The following LPIN3 variants were observed in gnomAD, a reference collection of about 807,000 sequenced individuals.
LPIN3 encodes the protein phosphatidate phosphatase LPIN3.
In LPIN3, 82 loss-of-function variants were observed where a neutral mutation model predicts 94.7. That is an observed-to-expected ratio of 0.87 (90% CI 0.72 to 1.04). LPIN3 has a LOEUF of 1.04. LPIN3 is among the 50% of genes least tolerant of loss of function. LPIN3 has a pLI of 0.00. For synonymous variants in LPIN3, 418 were observed against 443.3 expected (o/e 0.94, Z 0.72); for missense variants, 996 against 1,090.5 (o/e 0.91, Z 1.22).
At position 41,341,016 on chromosome 20, in the gene LPIN3, CGGG is replaced by C. The variant is rs1246918399; in HGVS notation, c.-9+18_-9+20del. ...GCAGCTCCCCAGGTAGGGCCCAACT[CGGG>C]GGGAGAAGAGATGACCCTCTCCCCT... On this transcript the variant is annotated intron_variant, in intron 1 of 19. Coordinates refer to ENST00000373257, the MANE Select transcript of LPIN3 (RefSeq NM_022896.3). 1.3e-5 allele frequency: 2 copies of C among 152,308 alleles called. No homozygotes were observed. Among genetic ancestry groups the C allele is most frequent in the African/African-American group, 4.8e-5 (2 of 41,428 alleles). The allele number at this position is 152,308 out of a possible 1,614,324, so 9.4% of individuals were successfully genotyped here. A position where few individuals can be genotyped will look rare whatever the true frequency, so the allele number is the denominator to read the frequency against.
At chr20:41,351,676 G>A in intron 7 of LPIN3, 145 bp from the exon 8 acceptor site, 1 of 652,600 alleles carries the variant, frequency 1.5e-6, no homozygotes, top group Admixed American at 2.8e-5. Flanking sequence ...TAATATATCA[G>A]GCAGTGCAGA....
chr20:41,355,164 GCCA>G (rs2046168239), intron 13 of LPIN3, among the ~76,000 whole-genome samples: 1 of 152,046 alleles, frequency 6.6e-6, no homozygotes, highest in African/African-American at 2.4e-5. Flanking sequence ...ACAGGTGCCC[GCCA>G]CCACACCTGG....
At chr20:41,353,836 T>C (rs1218287649) in intron 11 of LPIN3, among the ~76,000 whole-genome samples, 4 of 152,194 alleles carry the variant, frequency 2.6e-5, no homozygotes, top group Non-Finnish European at 5.9e-5. Context: ...GGGTGACAGC[T>C]TTGTCCTCTG....
rs746575898 is a variant in LPIN3 at position 41,355,990 on chromosome 20, A to C, written c.1759A>C (p.Thr587Pro). Reference protein sequence around the residue: ...PSLPPSTPPSTPTYKKSLRLS... With the variant: ...PSLPPSTPPSPPTYKKSLRLS... ...CTTGCCACCCTCCACTCCACCCTCCACTCCTACCTACAAGAAGTCCCTCCG... is the reference window on the plus strand; with the variant it reads ...CTTGCCACCCTCCACTCCACCCTCCCCTCCTACCTACAAGAAGTCCCTCCG... The change falls in exon 14 of 20, where the codon ACT becomes CCT. Residue 587 changes from threonine to proline, a missense_variant. Coordinates refer to ENST00000373257, the MANE Select transcript of LPIN3 (RefSeq NM_022896.3). 11 of 1,613,520 alleles carry C rather than the reference A, an allele frequency of 6.8e-6. No individual in the cohort carries two copies. Among genetic ancestry groups the C allele is most frequent in the Non-Finnish European group, 8.5e-6 (10 of 1,179,818 alleles).
At chr20:41,352,507 G>A (rs1445695556) in intron 9 of LPIN3, 99 bp from the exon 10 acceptor site, 9 of 1,109,264 alleles carry the variant, frequency 8.1e-6, no homozygotes, top group Admixed American at 3.6e-5. Context: ...AAAGCCAACC[G>A]ACAGGAGGTG....
At position 41,359,052 on chromosome 20, in the gene LPIN3, G is replaced by A. The variant is rs2046315753; in HGVS notation, c.*186G>A. ...CCGTCATATTTTTGCCAGCTAAGCT[G>A]CAGCTGCTCCAGGCGTCAGTGTGGC... On this transcript the variant is annotated 3_prime_UTR_variant, in exon 20 of 20. Transcript: ENST00000373257. 1 of 647,776 alleles carries A rather than the reference G, an allele frequency of 1.5e-6. No individual in the cohort carries two copies. The highest frequency in any genetic ancestry group is 2.6e-6 in the Non-Finnish European group (1 of 386,818). The allele number at this position is 647,776 out of a possible 1,614,324, so 40.1% of individuals were successfully genotyped here. A position where few individuals can be genotyped will look rare whatever the true frequency, so the allele number is the denominator to read the frequency against.
chr20:41,342,680 T>G (rs545773169), intron 1 of LPIN3, among the ~76,000 whole-genome samples: 2 of 140,176 alleles, frequency 1.4e-5, no homozygotes, highest in East Asian at 4.4e-4. Flanking sequence ...GGGGGCTCAC[T>G]GGAAGCCCCC....
chr20:41,356,182 C>T lies in LPIN3; in HGVS notation c.1803+148C>T. On this transcript the variant is annotated intron_variant, in intron 14 of 19. Transcript: ENST00000373257. ...ATCCCCTTGGGAGCCTCCCTGATGG[C>T]CTCCACTTGAATACCTCCAAGGGCA... The T allele has an allele frequency of 2.6e-6, 3 of 1,154,862 alleles. No individual in the cohort carries two copies. The East Asian group carries it at 7.6e-5, about 29-fold the overall frequency. The allele number at this position is 1,154,862 out of a possible 1,614,324, so 71.5% of individuals were successfully genotyped here.
rs140814287 is a variant in LPIN3 at position 41,358,478 on chromosome 20, C to T, written c.2347C>T (p.Arg783Cys). ...CCGGCAGGTGGGCCTGCCTGAGTCA[C>T]GCATCTTCACAGTCAACCCCCGGGG... ...AYRQVGLPESRIFTVNPRGEL... is the reference protein window; with the variant it reads ...AYRQVGLPESCIFTVNPRGEL... The change falls in exon 19 of 20, where the codon CGC (arginine) becomes TGC (cysteine). Residue 783 changes from arginine (R) to cysteine (C), a missense_variant. Transcript: ENST00000373257. 246 of 1,614,110 alleles carry T rather than the reference C, an allele frequency of 1.5e-4. No individual in the cohort carries two copies. Among genetic ancestry groups the T allele is most frequent in the African/African-American group, 1.2e-3 (90 of 75,058 alleles).
At chr20:41,354,886 G>A (rs1211522955) in intron 13 of LPIN3, 23 bp downstream of exon 13, 8 of 1,550,466 alleles carry the variant, frequency 5.2e-6, no homozygotes, top group East Asian at 2.4e-5. Context: ...CCCTATTGGG[G>A]CTCTGCAGGG....
Position 41,354,641 on chromosome 20 carries a change from A to G in LPIN3, c.1528-4A>G, listed in dbSNP as rs200362635. The G allele has an allele frequency of 6.4e-7, 1 of 1,570,198 alleles. No individual in the cohort carries two copies. The highest frequency in any genetic ancestry group is 2.3e-5 in the East Asian group (1 of 44,428). On this transcript the variant is annotated splice_polypyrimidine_tract_variant and splice_region_variant and intron_variant, in intron 11 of 19. Transcript: ENST00000373257. ...ACACTGCCATGGCTTTCATCTGCCC[A>G]CAGAGCACCATGGACAAGCTGGAGA...
At chr20:41,352,510 AG>A in intron 9 of LPIN3, 95 bp from the exon 10 acceptor site, 2 of 1,122,460 alleles carry the variant, frequency 1.8e-6, no homozygotes, top group Non-Finnish European at 2.7e-6. Flanking sequence ...GCCAACCGAC[AG>A]GAGGTGAGCA....
rs747707921 is a variant in LPIN3, at chr20:41,357,028, G to C, written c.1804-12G>C. 8 of 1,607,834 alleles carry C rather than the reference G, an allele frequency of 5.0e-6. No individual in the cohort carries two copies. The Admixed American group carries it at 6.7e-5, about 13-fold the overall frequency. Reference sequence around the variant, plus strand: ...CATCAATCACGACACACCCCCCTTTGTCTGGCCTCAGCGGCGCCTGAACCT... The same window carrying C: ...CATCAATCACGACACACCCCCCTTTCTCTGGCCTCAGCGGCGCCTGAACCT... On this transcript the variant is annotated splice_polypyrimidine_tract_variant and intron_variant, in intron 14 of 19. Coordinates refer to ENST00000373257, the MANE Select transcript of LPIN3 (RefSeq NM_022896.3).
At chr20:41,357,832 G>C (rs1435978755) in intron 16 of LPIN3, 50 bp from the exon 17 acceptor site, 3 of 1,608,916 alleles carry the variant, frequency 1.9e-6, no homozygotes, top group South Asian at 1.1e-5. Flanking sequence ...AAACAGATGG[G>C]GGCTGGCTGG....
Position 41,340,858 on chromosome 20 carries a change from A to G in LPIN3, c.-153A>G, listed in dbSNP as rs1247186585. 6.6e-6 allele frequency: 1 copy of G among 152,314 alleles called. No homozygotes were observed. Among genetic ancestry groups the G allele is most frequent in the Non-Finnish European group, 1.5e-5 (1 of 68,144 alleles). 9.4% of individuals were successfully genotyped at this position (152,314 alleles called of 1,614,324 possible). ...GTGGAGGCCGCACTAGGATCGTAGAAGGAGTGGAGCCGTGCTCTCACCCTG... is the reference window on the plus strand; with the variant it reads ...GTGGAGGCCGCACTAGGATCGTAGAGGGAGTGGAGCCGTGCTCTCACCCTG... On this transcript the variant is annotated 5_prime_UTR_variant, in exon 1 of 20. Transcript: ENST00000373257.
chr20:41,353,021 G>A (rs749405766), intron 11 of LPIN3, among the ~76,000 whole-genome samples, 154 bp downstream of exon 11: 2 of 152,212 alleles, frequency 1.3e-5, no homozygotes, highest in Non-Finnish European at 2.9e-5. Flanking sequence ...GGCGACACAC[G>A]TCCCTGAAGC....
At chr20:41,356,081 TTCTG>T in intron 14 of LPIN3, 47 bp downstream of exon 14, 3 of 1,601,550 alleles carry the variant, frequency 1.9e-6, no homozygotes, top group East Asian at 2.2e-5. Flanking sequence ...GCTGAGCTAA[TTCTG>T]TCTTAGAGTC....
Position 41,350,274 on chromosome 20 carries a change from G to A in LPIN3, c.979G>A (p.Glu327Lys), listed in dbSNP as rs1280297785. The A allele has an allele frequency of 6.2e-7, 1 of 1,613,790 alleles. No individual in the cohort carries two copies. Among genetic ancestry groups the A allele is most frequent in the East Asian group, 2.2e-5 (1 of 44,868 alleles). The change falls in exon 7 of 20, where the codon GAG becomes AAG. Residue 327 changes from glutamate to lysine, a missense_variant. Glu to Lys is a moderately conservative substitution (Grantham distance 56, BLOSUM62 1). Coordinates refer to ENST00000373257, the MANE Select transcript of LPIN3 (RefSeq NM_022896.3). ...VGPPLHTPET[E>K]ESKTQSSGDM... ...TCCCCCTCTCCACACCCCAGAGACA[G>A]AGGAAAGCAAGACTCAGAGCTCTGG...
rs1484326523 is a variant in LPIN3, at chr20:41,360,173, G to A, written c.*1307G>A. On this transcript the variant is annotated 3_prime_UTR_variant, in exon 20 of 20. Coordinates refer to ENST00000373257, the MANE Select transcript of LPIN3 (RefSeq NM_022896.3). ...GTCTCTGGGAACTGCATAGGCCTGA[G>A]GAACATGCATTTTCAAGTTGTCCAT... The A allele has an allele frequency of 6.6e-6, 1 of 152,616 alleles. No homozygotes were observed. Among genetic ancestry groups the A allele is most frequent in the Non-Finnish European group, 1.5e-5 (1 of 68,048 alleles). 9.5% of individuals were successfully genotyped at this position (152,616 alleles called of 1,614,324 possible). A position where few individuals can be genotyped will look rare whatever the true frequency, so the allele number is the denominator to read the frequency against.
Sources: gnomAD v4.1 joint callset for allele counts (sites outside exome capture counted in the v4.1 genomes callset) on GRCh38, gnomAD v4.1.1 for gene constraint, MANE v1.5 for transcripts, NCBI Gene and HGNC (gene_info 2026-07-23, HGNC 2026-07-21) for gene names.